Variants in COIL observed in about 807,000 individuals in gnomAD.
COIL encodes the protein coilin, also known as coilin p80.
COIL carries 28 observed loss-of-function variants against 51.6 expected under a neutral mutation model. The ratio of observed to expected loss-of-function variants is 0.54; its 90% CI spans 0.40 to 0.74. COIL has a LOEUF of 0.74. COIL is among the 30% of genes least tolerant of loss of function. COIL has a pLI of 0.00. For missense variants in COIL, 667 were observed against 685.9 expected (o/e 0.97, Z 0.31); for synonymous variants, 233 against 255.8 (o/e 0.91, Z 0.85).
intron 6 of COIL, among the ~76,000 whole-genome samples, chr17:56,941,492 C>T (rs577184871): frequency 6.6e-6 from 1 of 152,206 alleles, no homozygotes; most frequent in African/African-American, 2.4e-5. Context: ...ATCGCTCGAA[C>T]CTGAGAGGTG....
chr17:56,951,482 T>TTA (rs1367705350), intron 1 of COIL: 3 of 153,590 alleles, frequency 2.0e-5, no homozygotes, highest in Admixed American at 6.5e-5. Context: ...CTTTCTTTAA[T>TTA]AAGATTTTAC....
intron 5 of COIL, among the ~76,000 whole-genome samples, chr17:56,943,237 T>G (rs1182531723): frequency 6.6e-6 from 1 of 152,252 alleles, no homozygotes; most frequent in Non-Finnish European, 1.5e-5. Context: ...TTTGAACTTC[T>G]AATGTCGTGA....
rs538674885 is a variant in COIL, at chr17:56,943,647, T to C, written c.1559-1524A>G. ...CTGACGGACTCTGAAAGTACTGACT[T>C]GACTGGTAATGGATCATGACGCGTA... On this transcript the variant is annotated intron_variant, in intron 5 of 6. Transcript: ENST00000240316. 5.9e-4 allele frequency among the ~76,000 whole-genome samples: 90 copies of C among 152,330 alleles called. 1 individual carries two copies. Among genetic ancestry groups the C allele is most frequent in the South Asian group, 2.7e-3 (13 of 4,832 alleles).
chr17:56,953,181 G>A (rs1250715293), intron 1 of COIL, among the ~76,000 whole-genome samples: 2 of 151,980 alleles, frequency 1.3e-5, no homozygotes, highest in African/African-American at 2.4e-5. Flanking sequence ...GGAGGTCAAG[G>A]TGGGTGGATC....
intron 6 of COIL, 95 bp from the exon 7 acceptor site, chr17:56,939,249 T>C (rs1040873447): frequency 4.5e-5 from 32 of 714,768 alleles, no homozygotes; most frequent in East Asian, 1.0e-4. Flanking sequence ...TGTAGAATGA[T>C]TGAAGAACGG....
rs1910585247 is a variant in COIL, at chr17:56,960,857, C to T, written c.163G>A (p.Ala55Thr). Residue 55 changes from alanine to threonine, a missense_variant, in exon 1 of 7, where the codon GCC (alanine) becomes ACC (threonine). Transcript: ENST00000240316. ...IRQRFGFSSG[A>T]FLGLYLEGGL... is the part of the protein sequence containing the mutation. ...CCCTCCAGGTAGAGGCCTAGGAAGG[C>T]CCCAGAACTGAAGCCGAAGCGCTGG... The T allele has an allele frequency of 6.2e-7, 1 of 1,613,154 alleles. No homozygotes were observed. The highest frequency in any genetic ancestry group is 1.1e-5 in the South Asian group (1 of 90,932).
At chr17:56,948,770 AT>A (rs1910300213) in intron 4 of COIL, among the ~76,000 whole-genome samples, 1 of 149,516 alleles carries the variant, frequency 6.7e-6, no homozygotes, top group Non-Finnish European at 1.5e-5. Flanking sequence ...ATATTTATGA[AT>A]TACCTGTGGT....
intron 4 of COIL, among the ~76,000 whole-genome samples, chr17:56,949,046 G>A (rs1910304487): frequency 6.6e-6 from 1 of 152,118 alleles, no homozygotes; most frequent in Admixed American, 6.5e-5. Flanking sequence ...AGCCAAGATG[G>A]GGGGATTGCT....
intron 1 of COIL, among the ~76,000 whole-genome samples, chr17:56,959,218 C>G (rs1259068756): frequency 6.6e-6 from 1 of 152,036 alleles, no homozygotes; most frequent in African/African-American, 2.4e-5. Context: ...GGTTGCCTGG[C>G]CTGAAGTCCC....
At chr17:56,939,995 T>G (rs1001060913) in intron 6 of COIL, 1 of 151,934 alleles carries the variant, frequency 6.6e-6, no homozygotes, top group Non-Finnish European at 1.5e-5. Context: ...GTTCTTATCC[T>G]ACACTACCTA....
At chr17:56,955,705 C>T (rs1344135665) in intron 1 of COIL, among the ~76,000 whole-genome samples, 1 of 152,166 alleles carries the variant, frequency 6.6e-6, no homozygotes, top group Non-Finnish European at 1.5e-5. Flanking sequence ...CAAATGTTAG[C>T]TCTAATTTTT....
At chr17:56,958,590 C>T (rs1234664469) in intron 1 of COIL, among the ~76,000 whole-genome samples, 1 of 152,164 alleles carries the variant, frequency 6.6e-6, no homozygotes, top group African/African-American at 2.4e-5. Flanking sequence ...TTGTTTTTGT[C>T]ATTGTTAACT....
In COIL at chr17:56,938,961, C is replaced by T; in HGVS notation, c.*110G>A. The T allele has an allele frequency of 1.7e-6, 1 of 588,928 alleles. No homozygotes were observed. Among genetic ancestry groups the T allele is most frequent in the Non-Finnish European group, 3.0e-6 (1 of 333,842 alleles). 36.5% of individuals were successfully genotyped at this position (588,928 alleles called of 1,614,324 possible). On this transcript the variant is annotated 3_prime_UTR_variant, in exon 7 of 7. Transcript: ENST00000240316. The stretch of plus-strand genomic sequence containing the variant: ...TTCCTATGCAGTAAAGTGAAGATAA[C>T]AAAAAAATCCATACAACTTCCAAAT...
At chr17:56,945,448 T>C (rs565060106) in intron 5 of COIL, among the ~76,000 whole-genome samples, 39 of 152,314 alleles carry the variant, frequency 2.6e-4, no homozygotes, top group African/African-American at 8.9e-4. Flanking sequence ...CTACATATTA[T>C]AAAAGCCCTC....
intron 5 of COIL, among the ~76,000 whole-genome samples, chr17:56,944,826 G>C (rs984881771): frequency 6.7e-6 from 1 of 150,088 alleles, no homozygotes; most frequent in African/African-American, 2.5e-5. Context: ...GACCATCCTG[G>C]CTAACATGGT....
intron 4 of COIL, among the ~76,000 whole-genome samples, chr17:56,948,960 A>G (rs1910303299): frequency 6.6e-6 from 1 of 152,008 alleles, no homozygotes; most frequent in African/African-American, 2.4e-5. Context: ...GGTCTAAACT[A>G]ATTAGAAAAA....
chr17:56,949,230 T>C (rs1437565067), intron 4 of COIL, among the ~76,000 whole-genome samples, 157 bp downstream of exon 4: 5 of 152,220 alleles, frequency 3.3e-5, no homozygotes, highest in Non-Finnish European at 7.3e-5. Context: ...AGTGATACTA[T>C]TAAAGAGTTG....
At chr17:56,947,980 A>C (rs567865923) in intron 4 of COIL, among the ~76,000 whole-genome samples, 3 of 152,266 alleles carry the variant, frequency 2.0e-5, no homozygotes, top group African/African-American at 7.2e-5. Context: ...TTGACTCACA[A>C]GTATCCTGAT....
chr17:56,941,937 C>G (rs1456739680), intron 6 of COIL, 98 bp downstream of exon 6: 13 of 968,562 alleles, frequency 1.3e-5, no homozygotes, highest in Admixed American at 5.5e-5. Context: ...GGTCAGATTC[C>G]CCCCAGGGCC....
Sources: allele counts gnomAD v4.1 joint callset (sites outside exome capture counted in the v4.1 genomes callset), GRCh38; gene constraint gnomAD v4.1.1; transcripts MANE v1.5; gene names NCBI Gene and HGNC (gene_info 2026-07-23, HGNC 2026-07-21).